RBFOX1: variants seen among roughly 807,000 people sequenced by gnomAD.
RBFOX1 encodes RNA binding fox-1 homolog 1.
In RBFOX1, 8 loss-of-function variants were observed where a neutral mutation model predicts 57.7. That is an observed-to-expected ratio of 0.14 (90% CI 0.08 to 0.25). RBFOX1 has a LOEUF of 0.25. Ranked by LOEUF, RBFOX1 falls within the 10% of genes least tolerant of loss-of-function variation. The pLI is 1.00. For synonymous variants in RBFOX1, 326 were observed against 222.4 expected (o/e 1.47, Z -4.15); for missense variants, 611 against 548.5 (o/e 1.11, Z -1.14).
chr16:5,385,768 CTG>C (rs760554874), intron 1 of RBFOX1, among the ~76,000 whole-genome samples: 1 of 152,186 alleles, frequency 6.6e-6, no homozygotes, highest in Admixed American at 6.5e-5. Flanking sequence ...ACCCTTCACT[CTG>C]CACTCGAGCA....
At chr16:6,307,697 CATTT>C (rs1187038070) in intron 1 of RBFOX1, among the ~76,000 whole-genome samples, 5 of 146,198 alleles carry the variant, frequency 3.4e-5, no homozygotes, top group African/African-American at 1.2e-4. Flanking sequence ...AAATGATAAT[CATTT>C]ATGTTATTTA....
At chr16:6,858,421 G>T (rs1053121812) in intron 3 of RBFOX1, among the ~76,000 whole-genome samples, 2 of 152,064 alleles carry the variant, frequency 1.3e-5, no homozygotes, top group Non-Finnish European at 1.5e-5. Flanking sequence ...TTTAATTGTG[G>T]ACTTGAAGGA....
rs2058853587 is a variant in RBFOX1 at position 5,922,826 on chromosome 16, A to C, written c.351+55491A>C. Among the ~76,000 whole-genome samples the C allele has an allele frequency of 1.3e-5, 2 of 152,390 alleles. 1 individual carries two copies. The highest frequency in any genetic ancestry group is 6.8e-3 in the Middle Eastern group (2 of 294). On this transcript the variant is annotated intron_variant, in intron 4 of 19. Transcript: ENST00000641259. ...CTCCATTCTGCATGTGAGCCCAGCC[A>C]CAGAAGGAAGTGTAAAATATTCAAG...
intron 1 of RBFOX1, among the ~76,000 whole-genome samples, chr16:6,052,246 C>G (rs1019332925): frequency 6.6e-6 from 1 of 152,138 alleles, no homozygotes; most frequent in African/African-American, 2.4e-5. Context: ...TTATCCCTAA[C>G]TCTTCTTACT....
chr16:7,232,644 A>G (rs1378315400), intron 4 of RBFOX1, among the ~76,000 whole-genome samples: 1 of 151,990 alleles, frequency 6.6e-6, no homozygotes, highest in Non-Finnish European at 1.5e-5. Flanking sequence ...GAGTTCGAGA[A>G]CAGCCTGACC....
At chr16:7,446,351 G>A (rs905351834) in intron 4 of RBFOX1, among the ~76,000 whole-genome samples, 1 of 152,136 alleles carries the variant, frequency 6.6e-6, no homozygotes, top group East Asian at 1.9e-4. Context: ...AATGAAAATG[G>A]TGTGAATCTA....
chr16:5,303,309 A>T (rs1222775876), intron 1 of RBFOX1, among the ~76,000 whole-genome samples: 1 of 152,234 alleles, frequency 6.6e-6, no homozygotes, highest in Non-Finnish European at 1.5e-5. Flanking sequence ...AGGCTGTGGC[A>T]CATGAGCTGC....
At chr16:5,740,652 G>A (rs895014973) in intron 3 of RBFOX1, among the ~76,000 whole-genome samples, 1 of 152,138 alleles carries the variant, frequency 6.6e-6, no homozygotes, top group African/African-American at 2.4e-5. Context: ...AGTATGATAG[G>A]CTCTGTTGTT....
chr16:6,991,841 A>G lies in RBFOX1; in HGVS notation c.-15-60216A>G, dbSNP rs937103204. On this transcript the variant is annotated intron_variant, in intron 3 of 15. Coordinates refer to ENST00000550418, the MANE Select transcript of RBFOX1 (RefSeq NM_018723.4). ...AGGTGTGACCCACCAGGCCCAGCCC[A>G]CTTCTGAAATGTTAATGTGCATAGG... Among the ~76,000 whole-genome samples, 18 of 152,266 alleles carry G rather than the reference A, an allele frequency of 1.2e-4. No homozygotes were observed. In the South Asian group the frequency reaches 2.9e-3, roughly 24 times the overall value.
intron 3 of RBFOX1, among the ~76,000 whole-genome samples, chr16:7,012,050 C>T (rs2093678740): frequency 6.6e-6 from 1 of 152,148 alleles, no homozygotes; most frequent in Admixed American, 6.5e-5. Flanking sequence ...ATCCAGACCT[C>T]CAAAATAATA....
At chr16:7,259,563 T>TA (rs780145954) in intron 4 of RBFOX1, among the ~76,000 whole-genome samples, 14,061 of 144,728 alleles carry the variant, frequency 0.097, 814 homozygotes, top group Middle Eastern at 0.13. Context: ...ATCTCCAATG[T>TA]AAAAAAAAAA....
intron 3 of RBFOX1, among the ~76,000 whole-genome samples, chr16:5,642,957 C>T (rs556575150): frequency 2.1e-4 from 32 of 152,292 alleles, no homozygotes; most frequent in African/African-American, 7.5e-4. Context: ...CTTTTGAGTT[C>T]CTCCAGGGCT....
intron 5 of RBFOX1, among the ~76,000 whole-genome samples, chr16:7,549,305 T>C (rs2085598543): frequency 6.6e-6 from 1 of 152,114 alleles, no homozygotes; most frequent in Admixed American, 6.5e-5. Context: ...AAAGAAGTGT[T>C]TGAAATGAGG....
At chr16:6,127,704 GA>G (rs1447632092) in intron 1 of RBFOX1, among the ~76,000 whole-genome samples, 2 of 152,134 alleles carry the variant, frequency 1.3e-5, no homozygotes, top group Non-Finnish European at 2.9e-5. Flanking sequence ...CAAGACCTAA[GA>G]AAGGTCACAC....
At chr16:7,024,163 C>G (rs1014475785) in intron 3 of RBFOX1, among the ~76,000 whole-genome samples, 14 of 152,178 alleles carry the variant, frequency 9.2e-5, no homozygotes, top group South Asian at 4.2e-4. Flanking sequence ...GTAAAAGCAT[C>G]TAGTAATCAT....
At chr16:6,947,396 T>A (rs2079766435) in intron 3 of RBFOX1, among the ~76,000 whole-genome samples, 1 of 152,190 alleles carries the variant, frequency 6.6e-6, no homozygotes, top group African/African-American at 2.4e-5. Flanking sequence ...CTCCCTGGTT[T>A]CCTAAGAGAA....
At chr16:5,477,828 A>T (rs3848384) in intron 2 of RBFOX1, among the ~76,000 whole-genome samples, 56,433 of 152,018 alleles carry the variant, frequency 0.37, 11,526 homozygotes, top group South Asian at 0.55. Flanking sequence ...ACTGAAGGAA[A>T]TTTCTGGCTC....
chr16:6,128,887 T>C (rs923080178), intron 1 of RBFOX1, among the ~76,000 whole-genome samples: 5 of 152,190 alleles, frequency 3.3e-5, no homozygotes, highest in African/African-American at 9.7e-5. Flanking sequence ...AGAATGCCCA[T>C]GCTGAGGACT....
chr16:7,293,935 T>G (rs2095842865), intron 4 of RBFOX1, among the ~76,000 whole-genome samples: 1 of 152,128 alleles, frequency 6.6e-6, no homozygotes, highest in Admixed American at 6.6e-5. Context: ...AATTCAGAGC[T>G]GGAGATGTTA....
Sources: gnomAD v4.1 joint callset for allele counts (sites outside exome capture counted in the v4.1 genomes callset) on GRCh38, gnomAD v4.1.1 for gene constraint, MANE v1.5 for transcripts, NCBI Gene and HGNC (gene_info 2026-07-23, HGNC 2026-07-21) for gene names.